The following ALK variants were observed in gnomAD, a reference collection of about 807,000 sequenced individuals.
ALK encodes ALK tyrosine kinase receptor.
A neutral mutation model predicts 163.1 loss-of-function variants in ALK; 74 were observed. That is an observed-to-expected ratio of 0.45 (90% CI 0.38 to 0.55). The LOEUF (loss-of-function observed/expected upper bound fraction) is 0.55, where lower values mean the gene tolerates loss of function less well. Ranked by LOEUF, ALK falls within the 20% of genes least tolerant of loss-of-function variation. ALK has a pLI of 0.00. For missense variants in ALK, 2,063 were observed against 2,105.3 expected, an observed-to-expected ratio of 0.98 and a Z score of 0.39; for synonymous variants, 960 against 843.2, an observed-to-expected ratio of 1.14 and a Z score of -2.40.
At chr2:29,540,718 T>C (rs1043918966) in intron 3 of ALK, among the ~76,000 whole-genome samples, 4 of 152,216 alleles carry the variant, frequency 2.6e-5, no homozygotes, top group Admixed American at 1.3e-4. Context: ...CTTTCTTGGC[T>C]ACAAGTCTCC....
chr2:29,858,060 TG>T (rs1666189446), intron 1 of ALK, among the ~76,000 whole-genome samples: 1 of 7,284 alleles, frequency 1.4e-4, no homozygotes, highest in Non-Finnish European at 4.2e-4. Flanking sequence ...TGTGTGTGCA[TG>T]TGTGTGTGTG....
intron 8 of ALK, among the ~76,000 whole-genome samples, chr2:29,311,073 C>A (rs1452373590): frequency 6.6e-6 from 1 of 152,194 alleles, no homozygotes. Flanking sequence ...ATGCCTAGAC[C>A]CCAGCTAAAG....
At position 29,197,693 on chromosome 2, in the gene ALK, G is replaced by T; in HGVS notation, c.3939-17C>A. ...CCAAAGGACCTGGGCATGGGACAGA[G>T]GACATGGAGATGGATATAGACACAC... On this transcript the variant is annotated splice_polypyrimidine_tract_variant and intron_variant, in intron 26 of 28. Coordinates refer to ENST00000389048, the MANE Select transcript of ALK (RefSeq NM_004304.5). 1 of 1,609,434 alleles carries T rather than the reference G, an allele frequency of 6.2e-7. No homozygotes were observed. The highest frequency in any genetic ancestry group is 8.5e-7 in the Non-Finnish European group (1 of 1,176,148).
In ALK at chr2:29,223,541, G is replaced by T. The variant is rs761243714; in HGVS notation, c.3173-13C>A. 6.2e-7 allele frequency: 1 copy of T among 1,612,330 alleles called. No homozygotes were observed. On this transcript the variant is annotated splice_polypyrimidine_tract_variant and intron_variant, in intron 19 of 28. Transcript: ENST00000389048. ...TTCCGGCGGTACACTGCAGGTGGGT[G>T]GTCAGCTGCAACATGGCCTGGCAGC...
At chr2:29,214,897 CAG>C (rs1162005837) in intron 23 of ALK, among the ~76,000 whole-genome samples, 1 of 152,218 alleles carries the variant, frequency 6.6e-6, no homozygotes, top group Admixed American at 6.5e-5. Flanking sequence ...GTTCCAGAGA[CAG>C]GGATCTCACC....
chr2:29,745,622 A>G (rs1355731699), intron 1 of ALK, among the ~76,000 whole-genome samples: 1 of 152,154 alleles, frequency 6.6e-6, no homozygotes, highest in Non-Finnish European at 1.5e-5. Flanking sequence ...CATCCTTTGG[A>G]CCCAGCTTAA....
chr2:29,217,561 G>A (rs1051643511), intron 23 of ALK, among the ~76,000 whole-genome samples: 4 of 152,090 alleles, frequency 2.6e-5, no homozygotes, highest in Non-Finnish European at 4.4e-5. Flanking sequence ...TGTCTACCGC[G>A]TCTGCACATC....
At chr2:29,467,939 G>A (rs1220663873) in intron 4 of ALK, among the ~76,000 whole-genome samples, 1 of 151,914 alleles carries the variant, frequency 6.6e-6, no homozygotes, top group East Asian at 1.9e-4. Flanking sequence ...TAAATGAATA[G>A]GTAAATATTT....
chr2:29,454,778 C>T (rs1240941533), intron 4 of ALK, among the ~76,000 whole-genome samples: 1 of 152,042 alleles, frequency 6.6e-6, no homozygotes, highest in Non-Finnish European at 1.5e-5. Flanking sequence ...CCTATAAACC[C>T]ATCACCTAGT....
intron 3 of ALK, among the ~76,000 whole-genome samples, chr2:29,637,902 T>G (rs1244962035): frequency 2.0e-5 from 3 of 152,112 alleles, no homozygotes; most frequent in African/African-American, 4.8e-5. Context: ...TTCAACATAA[T>G]AAGTTTAATT....
intron 4 of ALK, among the ~76,000 whole-genome samples, chr2:29,409,122 C>T (rs79597543): frequency 0.024 from 3,634 of 152,172 alleles, 160 homozygotes; most frequent in African/African-American, 0.082. Flanking sequence ...CACAGATGGG[C>T]GAATCTGATA....
At chr2:29,809,180 A>G (rs561029952) in intron 1 of ALK, among the ~76,000 whole-genome samples, 1 of 152,382 alleles carries the variant, frequency 6.6e-6, no homozygotes, top group South Asian at 2.1e-4. Context: ...GGTTCTGGAA[A>G]CACAAGCTTA....
chr2:29,620,312 G>A (rs895668826), intron 3 of ALK, among the ~76,000 whole-genome samples: 6 of 152,176 alleles, frequency 3.9e-5, no homozygotes, highest in Non-Finnish European at 7.4e-5. Context: ...CTTCCCTCAC[G>A]TTCACACGGT....
chr2:29,421,410 G>T (rs1169884672), intron 4 of ALK, among the ~76,000 whole-genome samples: 1 of 151,504 alleles, frequency 6.6e-6, no homozygotes, highest in Non-Finnish European at 1.5e-5. Flanking sequence ...TTCCACATTT[G>T]TTGAGCACCT....
At chr2:29,629,142 G>A (rs537204065) in intron 3 of ALK, among the ~76,000 whole-genome samples, 3 of 152,288 alleles carry the variant, frequency 2.0e-5, no homozygotes, top group South Asian at 2.1e-4. Flanking sequence ...CCTGAACACC[G>A]TTGGAGACTC....
At chr2:29,439,627 C>A (rs1261456368) in intron 4 of ALK, among the ~76,000 whole-genome samples, 1 of 148,624 alleles carries the variant, frequency 6.7e-6, no homozygotes, top group African/African-American at 2.5e-5. Flanking sequence ...CAGATGTAAT[C>A]AAATTAAGGT....
Position 29,227,209 on chromosome 2 carries a change from C to T in ALK, c.2915-135G>A. On this transcript the variant is annotated intron_variant, in intron 17 of 28. Coordinates refer to ENST00000389048, the MANE Select transcript of ALK (RefSeq NM_004304.5). The surrounding 1 kb of genome is among the most constrained non-coding windows in gnomAD (Gnocchi z 4.4). ...CTAGGTCCCATAGCCACTGGAAGCA[C>T]AACTGTGTAGAAGAGTCTTCCTGTG... is the stretch of plus-strand genomic sequence containing the variant. 8.7e-7 allele frequency: 1 copy of T among 1,156,006 alleles called. No homozygotes were observed. The highest frequency in any genetic ancestry group is 1.3e-6 in the Non-Finnish European group (1 of 777,126). 71.6% of individuals were successfully genotyped at this position (1,156,006 alleles called of 1,614,324 possible).
At chr2:29,543,787 T>C (rs1323715877) in intron 3 of ALK, among the ~76,000 whole-genome samples, 2 of 152,224 alleles carry the variant, frequency 1.3e-5, no homozygotes, top group African/African-American at 4.8e-5. Flanking sequence ...CTCCTCTATG[T>C]GCTCTAGAAA....
chr2:29,201,587 G>C (rs758057083), intron 26 of ALK, among the ~76,000 whole-genome samples: 1 of 152,010 alleles, frequency 6.6e-6, no homozygotes, highest in Non-Finnish European at 1.5e-5. Context: ...AGGAGTTCGA[G>C]ACCAGCCTGG....
Sources: allele counts gnomAD v4.1 joint callset (sites outside exome capture counted in the v4.1 genomes callset), GRCh38; gene constraint gnomAD v4.1.1; non-coding constraint Gnocchi (gnomAD v3.1); transcripts MANE v1.5; gene names NCBI Gene and HGNC (gene_info 2026-07-23, HGNC 2026-07-21).